FANCL: variants seen among roughly 807,000 people sequenced by gnomAD.
The protein encoded by FANCL is E3 ubiquitin-protein ligase FANCL.
A neutral mutation model predicts 59.4 loss-of-function variants in FANCL; 69 were observed. The ratio of observed to expected loss-of-function variants is 1.16; its 90% CI spans 0.96 to 1.42. FANCL has a LOEUF of 1.42. FANCL is among the 40% of genes most tolerant of loss of function. The pLI, the probability that FANCL is intolerant of heterozygous loss-of-function variation, is 0.00. For synonymous variants in FANCL, 180 were observed against 147.1 expected, an observed-to-expected ratio of 1.22 and a Z score of -1.62; for missense variants, 519 against 447.2, an observed-to-expected ratio of 1.16 and a Z score of -1.45.
At chr2:58,185,919 A>G (rs1688358199) in intron 7 of FANCL, among the ~76,000 whole-genome samples, 2 of 152,150 alleles carry the variant, frequency 1.3e-5, no homozygotes, top group African/African-American at 4.8e-5. Flanking sequence ...AAACATTTTA[A>G]AAAACATATT....
intron 5 of FANCL, among the ~76,000 whole-genome samples, chr2:58,217,761 G>A (rs1383436288): frequency 2.6e-5 from 4 of 151,150 alleles, no homozygotes; most frequent in Non-Finnish European, 5.9e-5. Flanking sequence ...ATTTAACACA[G>A]CTCTCTCCAG....
At chr2:58,240,177 A>T (rs548974790) in intron 1 of FANCL, among the ~76,000 whole-genome samples, 1 of 152,110 alleles carries the variant, frequency 6.6e-6, no homozygotes, top group African/African-American at 2.4e-5. Context: ...CAAGAGAATC[A>T]TATTTTCAGC....
intron 7 of FANCL, among the ~76,000 whole-genome samples, chr2:58,186,478 T>C (rs1356490685): frequency 6.6e-6 from 1 of 151,876 alleles, no homozygotes; most frequent in East Asian, 1.9e-4. Context: ...CTGGAAAGAG[T>C]GAAACACAGT....
chr2:58,178,384 C>T (rs1409176792), intron 7 of FANCL, among the ~76,000 whole-genome samples: 5 of 152,142 alleles, frequency 3.3e-5, no homozygotes, highest in South Asian at 2.1e-4. Flanking sequence ...TTATCTACCA[C>T]GATCAAGTTG....
At chr2:58,217,162 T>C (rs1209827614) in intron 5 of FANCL, among the ~76,000 whole-genome samples, 5 of 71,706 alleles carry the variant, frequency 7.0e-5, no homozygotes, top group Non-Finnish European at 1.4e-4. Flanking sequence ...TATATTTATA[T>C]ATTTTATATA....
intron 7 of FANCL, among the ~76,000 whole-genome samples, chr2:58,195,652 ATAAC>A (rs1233798968): frequency 6.6e-6 from 1 of 152,244 alleles, no homozygotes; most frequent in African/African-American, 2.4e-5. Context: ...TATATCCCAT[ATAAC>A]TAACAAAAAA....
chr2:58,172,785 G>T (rs144960637), intron 7 of FANCL, among the ~76,000 whole-genome samples: 1 of 152,228 alleles, frequency 6.6e-6, no homozygotes, highest in Non-Finnish European at 1.5e-5. Flanking sequence ...AAGCTGGACA[G>T]AGAATGACTT....
At chr2:58,231,953 T>C in intron 2 of FANCL, 101 bp downstream of exon 2, 1 of 973,614 alleles carries the variant, frequency 1.0e-6, no homozygotes. Context: ...CTAATAAGCA[T>C]TTTAGGCAAA....
Position 58,165,778 on chromosome 2 carries a change from C to G in FANCL, c.637G>C (p.Val213Leu), listed in dbSNP as rs2104817334. The G allele has an allele frequency of 6.2e-7, 1 of 1,614,048 alleles. No individual in the cohort carries two copies. Among genetic ancestry groups the G allele is most frequent in the South Asian group, 1.1e-5 (1 of 91,084 alleles). The change falls in exon 8 of 14, where the codon GTA (valine) becomes CTA (leucine). Residue 213 changes from valine (V) to leucine (L), a missense_variant. By Grantham distance (32) the Val-to-Leu change is conservative. Coordinates refer to ENST00000233741, the MANE Select transcript of FANCL (RefSeq NM_018062.4). ...VMDEIDEKTW[V>L]LEPEKPPRSA... ...CGTGGAGGTTTTTCTGGCTCAAGTA[C>G]CCAGGTCTTCTCATCGATTTCATCC...
chr2:58,228,011 T>C (rs141671889), intron 3 of FANCL, among the ~76,000 whole-genome samples: 4 of 152,292 alleles, frequency 2.6e-5, no homozygotes, highest in African/African-American at 7.2e-5. Flanking sequence ...GGCAACTCTA[T>C]GTAATTTTTA....
chr2:58,198,462 A>C (rs2105099315), intron 7 of FANCL, 132 bp downstream of exon 7: 16 of 680,792 alleles, frequency 2.4e-5, no homozygotes, highest in East Asian at 2.7e-5. Flanking sequence ...CATTTATATA[A>C]GAGATTTGGG....
At chr2:58,223,420 T>C (rs1177336830) in intron 4 of FANCL, among the ~76,000 whole-genome samples, 1 of 151,986 alleles carries the variant, frequency 6.6e-6, no homozygotes, top group Non-Finnish European at 1.5e-5. Flanking sequence ...TTCTGAAATA[T>C]TAATTATTGC....
At chr2:58,170,474 T>C (rs970239311) in intron 7 of FANCL, among the ~76,000 whole-genome samples, 1 of 151,196 alleles carries the variant, frequency 6.6e-6, no homozygotes, top group African/African-American at 2.5e-5. Context: ...AGAAACTGCA[T>C]CAACTAACAA....
rs548911589 is a variant in FANCL at position 58,233,877 on chromosome 2, T to G, written c.97-1765A>C. 7.2e-4 allele frequency among the ~76,000 whole-genome samples: 109 copies of G among 151,962 alleles called. 1 individual carries two copies. Among genetic ancestry groups the G allele is most frequent in the Non-Finnish European group, 1.3e-3 (89 of 67,902 alleles). ...GGCAGAAGATAGGAGAAAAGATAGG[T>G]AGAGACACCTTTTGGAAACTGGGTA... On this transcript the variant is annotated intron_variant, in intron 1 of 13. Coordinates refer to ENST00000233741, the MANE Select transcript of FANCL (RefSeq NM_018062.4).
intron 8 of FANCL, among the ~76,000 whole-genome samples, chr2:58,164,056 G>T (rs1245216459): frequency 6.6e-6 from 1 of 151,906 alleles, no homozygotes; most frequent in East Asian, 1.9e-4. Context: ...TTTAACAAAA[G>T]ATTTCATTCA....
intron 7 of FANCL, among the ~76,000 whole-genome samples, chr2:58,175,361 T>G (rs1687182240): frequency 6.7e-6 from 1 of 149,900 alleles, no homozygotes; most frequent in Admixed American, 6.6e-5. Flanking sequence ...ATATCCTTGA[T>G]GAACATTGAT....
At chr2:58,205,345 T>G (rs150246372) in intron 5 of FANCL, among the ~76,000 whole-genome samples, 68 of 148,242 alleles carry the variant, frequency 4.6e-4, no homozygotes, top group African/African-American at 1.7e-3. Context: ...GTAGAAAGTC[T>G]AGGGTCTTAG....
At chr2:58,193,314 A>G (rs1319336901) in intron 7 of FANCL, among the ~76,000 whole-genome samples, 1 of 152,104 alleles carries the variant, frequency 6.6e-6, no homozygotes, top group Non-Finnish European at 1.5e-5. Context: ...CCTCAATACT[A>G]CTGCCTAAAT....
intron 7 of FANCL, among the ~76,000 whole-genome samples, chr2:58,174,192 G>C (rs1022643478): frequency 2.6e-5 from 4 of 152,146 alleles, no homozygotes; most frequent in African/African-American, 4.8e-5. Context: ...AATAATGGGA[G>C]AATTTAACAC....
Sources: allele counts gnomAD v4.1 joint callset (sites outside exome capture counted in the v4.1 genomes callset), GRCh38; gene constraint gnomAD v4.1.1; transcripts MANE v1.5; gene names NCBI Gene and HGNC (gene_info 2026-07-23, HGNC 2026-07-21).